The following ZP4 variants were observed in gnomAD, a reference collection of about 807,000 sequenced individuals.
ZP4 encodes zona pellucida sperm-binding protein 4.
In ZP4, 62 loss-of-function variants were observed where a neutral mutation model predicts 62.3. The ratio of observed to expected loss-of-function variants is 0.99; its 90% CI spans 0.81 to 1.23. The LOEUF is 1.23. Among genes scored for constraint, ZP4 ranks in the 50% most tolerant of loss-of-function variants. The pLI is 0.00. For missense variants in ZP4, 774 were observed against 656.0 expected (o/e 1.18, Z -1.97); for synonymous variants, 289 against 247.3 (o/e 1.17, Z -1.58).
In ZP4 at chr1:237,883,754, AGAGAGAGGG is replaced by A. The variant is rs1558530247; in HGVS notation, c.1391-917_1391-909del. On this transcript the variant is annotated intron_variant, in intron 10 of 11. Coordinates refer to ENST00000366570, the MANE Select transcript of ZP4 (RefSeq NM_021186.5). ...GAGGGAGAGAGAGGGAGAGAGAGGGAGAGAGAGGGAGAGAGAGGAAGAGAGAGGAAGAGA... is the reference window on the plus strand; with the variant it reads ...GAGGGAGAGAGAGGGAGAGAGAGGGAAGAGAGAGGAAGAGAGAGGAAGAGA... 6.5e-4 allele frequency among the ~76,000 whole-genome samples: 78 copies of A among 120,698 alleles called. 4 individuals are homozygous for A. Among genetic ancestry groups the A allele is most frequent in the African/African-American group, 1.1e-3 (35 of 31,124 alleles). The allele number at this position is 120,698 out of a possible 152,430, so 79.2% of individuals were successfully genotyped here. A position where few individuals can be genotyped will look rare whatever the true frequency, so the allele number is the denominator to read the frequency against.
intron 3 of ZP4, among the ~76,000 whole-genome samples, chr1:237,889,411 C>T (rs1665184933): frequency 6.6e-6 from 1 of 151,682 alleles, no homozygotes; most frequent in South Asian, 2.1e-4. Flanking sequence ...CTCAGCCTCC[C>T]AGGTTCAAGC....
Position 237,889,906 on chromosome 1 carries a change from T to C in ZP4, c.361A>G (p.Thr121Ala). ...GGACACTTGAGCAGCTTCCTCTCTG[T>C]AACCACCTTGTGTTCAGCCGCGCCT... ...GAGAAEHKVVTERKLLKCPMD... is the reference protein window; with the variant it reads ...GAGAAEHKVVAERKLLKCPMD... The change falls in exon 3 of 12, where the codon ACA becomes GCA. Residue 121 changes from threonine to alanine, a missense_variant. Thr to Ala is a moderately conservative substitution (Grantham distance 58). Transcript: ENST00000366570. The C allele has an allele frequency of 6.2e-7, 1 of 1,614,022 alleles. No individual in the cohort carries two copies. Among genetic ancestry groups the C allele is most frequent in the Non-Finnish European group, 8.5e-7 (1 of 1,180,018 alleles).
intron 4 of ZP4, 70 bp from the exon 5 acceptor site, chr1:237,887,631 A>G (rs1665137476): frequency 2.0e-6 from 3 of 1,500,068 alleles, no homozygotes; most frequent in Non-Finnish European, 2.7e-6. Context: ...TGAAAGTCTA[A>G]CCACTTAGTT....
chr1:237,889,926 G>A lies in ZP4; in HGVS notation c.341C>T (p.Ala114Val), dbSNP rs34370253. 5.4e-3 allele frequency: 8,781 copies of A among 1,612,782 alleles called. 347 individuals are homozygous for A. The African/African-American group carries it at 0.093, about 17-fold the overall frequency. The stretch of plus-strand genomic sequence containing the variant: ...CTCTGTAACCACCTTGTGTTCAGCC[G>A]CGCCTGCTCCTTCAACTCCAACTGG... Reference protein sequence around the residue: ...IMPVGVEGAGAAEHKVVTERK... With the variant: ...IMPVGVEGAGVAEHKVVTERK... The change falls in exon 3 of 12, where the codon GCG becomes GTG. Residue 114 changes from alanine (A) to valine (V), a missense_variant. Ala to Val is a moderately conservative substitution (Grantham distance 64, BLOSUM62 0). Coordinates refer to ENST00000366570, the MANE Select transcript of ZP4 (RefSeq NM_021186.5).
In ZP4 at chr1:237,887,384, G is replaced by T; in HGVS notation, c.731C>A (p.Thr244Asn). The T allele has an allele frequency of 1.2e-6, 2 of 1,613,858 alleles. No homozygotes were observed. Among genetic ancestry groups the T allele is most frequent in the Non-Finnish European group, 1.7e-6 (2 of 1,179,944 alleles). ...AGCCCAACTGCTCACCTGTCTTGTG[G>T]TGCCACAGGAAGTAAATGGAAACTG... is the stretch of plus-strand genomic sequence containing the variant. ...LFQFPFTSCG[T>N]TRQITGDRAV... Residue 244 changes from threonine to asparagine, a missense_variant, in exon 5 of 12, where the codon ACC becomes AAC. By Grantham distance (65) the Thr-to-Asn change is moderately conservative. Coordinates refer to ENST00000366570, the MANE Select transcript of ZP4 (RefSeq NM_021186.5).
chr1:237,890,008 G>C (rs767699438), intron 2 of ZP4, 39 bp from the exon 3 acceptor site: 1 of 1,614,152 alleles, frequency 6.2e-7, no homozygotes, highest in Non-Finnish European at 8.5e-7. Flanking sequence ...CTGGATGGTA[G>C]CATGAGGCGC....
chr1:237,884,023 CACACACACAAACACACACAA>C lies in ZP4; in HGVS notation c.1390+726_1390+745del, dbSNP rs1558531128. ...ACACACACACACACACACAAACACACACACACACAAACACACACAAACACACACAAACACACACAAACACA... is the reference window on the plus strand; with the variant it reads ...ACACACACACACACACACAAACACACACACACACAAACACACACAAACACA... On this transcript the variant is annotated intron_variant, in intron 10 of 11. Coordinates refer to ENST00000366570, the MANE Select transcript of ZP4 (RefSeq NM_021186.5). 4.4e-3 allele frequency among the ~76,000 whole-genome samples: 284 copies of C among 65,062 alleles called. 4 individuals carry two copies. The highest frequency in any genetic ancestry group is 0.013 in the African/African-American group (241 of 18,224). The allele number at this position is 65,062 out of a possible 152,430, so 42.7% of individuals were successfully genotyped here. A position where few individuals can be genotyped will look rare whatever the true frequency, so the allele number is the denominator to read the frequency against.
At chr1:237,883,893 G>A (rs1277416435) in intron 10 of ZP4, among the ~76,000 whole-genome samples, 1 of 150,812 alleles carries the variant, frequency 6.6e-6, no homozygotes, top group Non-Finnish European at 1.5e-5. Flanking sequence ...TCAGGAGGTC[G>A]AGGCTACCAT....
rs760401172 is a variant in ZP4 at position 237,884,768 on chromosome 1, C to A, written c.1390+1G>T. 3 of 1,613,156 alleles carry A rather than the reference C, an allele frequency of 1.9e-6. No homozygotes were observed. Among genetic ancestry groups the A allele is most frequent in the Non-Finnish European group, 1.7e-6 (2 of 1,179,576 alleles). ...TGTCCTCTAACAGCTTGGTTACTCA[C>A]GACTGAGATCAGGACAGGTCACCAC... On this transcript the variant is annotated splice_donor_variant, in intron 10 of 11. Transcript: ENST00000366570. LOFTEE classifies it high-confidence loss of function.
In ZP4 at chr1:237,888,415, CT is replaced by C; in HGVS notation, c.495del (p.Leu167Ter). The C allele has an allele frequency of 6.2e-7, 1 of 1,611,352 alleles. No individual in the cohort carries two copies. Among genetic ancestry groups the C allele is most frequent in the Non-Finnish European group, 8.5e-7 (1 of 1,178,182 alleles). On this transcript the variant is annotated frameshift_variant, in exon 4 of 12. Coordinates refer to ENST00000366570, the MANE Select transcript of ZP4 (RefSeq NM_021186.5). LOFTEE classifies it high-confidence loss of function. ...APSPISRGDCEGLGCCYSSEE... is the reference protein window; with the variant it reads ...APSPISRGDCXGLGCCYSSEE... Reference sequence around the variant, plus strand: ...TCAGAGCTATAACAACAGCCTAGCCCTTCACAGTCTCCTCGAGAGATGGGTG... The same window carrying C: ...TCAGAGCTATAACAACAGCCTAGCCCTCACAGTCTCCTCGAGAGATGGGTG...
In ZP4 at chr1:237,890,133, A is replaced by G. The variant is rs780781257; in HGVS notation, c.219T>C (p.Cys73=). ...CTGGACCTTTTCTTATCCAGGTGCC[A>G]CAGTCGGAGTCATTCTGCAGCTCGT... is the stretch of plus-strand genomic sequence containing the variant. The part of the protein sequence containing the change: ...LLHELQNDSD[C]GTWIRKGPGS... The change falls in exon 2 of 12, where the codon TGT becomes TGC. Residue 73 remains cysteine (C), a synonymous_variant. Coordinates refer to ENST00000366570, the MANE Select transcript of ZP4 (RefSeq NM_021186.5). 8 of 1,614,132 alleles carry G rather than the reference A, an allele frequency of 5.0e-6. No individual in the cohort carries two copies. In the Admixed American group the frequency reaches 1.3e-4, roughly 27 times the overall value.
In ZP4 at chr1:237,889,935, C is replaced by G. The variant is rs140287354; in HGVS notation, c.332G>C (p.Gly111Ala). Residue 111 changes from glycine (G) to alanine (A), a missense_variant, in exon 3 of 12, where the codon GGA (glycine) becomes GCA (alanine). Gly to Ala is a moderately conservative substitution (Grantham distance 60). Transcript: ENST00000366570. Reference sequence around the variant, plus strand: ...CACCTTGTGTTCAGCCGCGCCTGCTCCTTCAACTCCAACTGGCATGATGTA... The same window carrying G: ...CACCTTGTGTTCAGCCGCGCCTGCTGCTTCAACTCCAACTGGCATGATGTA... Reference protein sequence around the residue: ...SHYIMPVGVEGAGAAEHKVVT... With the variant: ...SHYIMPVGVEAAGAAEHKVVT... 32 of 1,614,054 alleles carry G rather than the reference C, an allele frequency of 2.0e-5. No homozygotes were observed. In the African/African-American group the frequency reaches 3.9e-4, roughly 20 times the overall value.
chr1:237,884,306 C>CA (rs1571931513), intron 10 of ZP4, among the ~76,000 whole-genome samples: 1 of 152,132 alleles, frequency 6.6e-6, no homozygotes, highest in African/African-American at 2.4e-5. Flanking sequence ...AGAGGCTAGG[C>CA]AAGTACAGGT....
intron 6 of ZP4, 132 bp from the exon 7 acceptor site, chr1:237,886,018 T>G (rs920670658): frequency 4.7e-5 from 58 of 1,234,834 alleles, no homozygotes; most frequent in Non-Finnish European, 6.1e-5. Context: ...GTTCCTGCCC[T>G]GCTGGGAGCT....
chr1:237,883,713 G>A (rs1403467844), intron 10 of ZP4, among the ~76,000 whole-genome samples: 555 of 44,046 alleles, frequency 0.013, 162 homozygotes, highest in African/African-American at 0.079. Context: ...GCGGGGGAGG[G>A]CGGGGGAGGG....
intron 10 of ZP4, among the ~76,000 whole-genome samples, chr1:237,883,643 C>G (rs1226384376): frequency 3.0e-4 from 2 of 6,722 alleles, no homozygotes; most frequent in African/African-American, 5.6e-4. Flanking sequence ...AGGGGGAGGG[C>G]GGGGGAGGGC....
intron 6 of ZP4, 119 bp from the exon 7 acceptor site, chr1:237,886,005 G>T (rs182449983): frequency 2.2e-6 from 3 of 1,386,292 alleles, no homozygotes; most frequent in East Asian, 2.3e-5. Context: ...TGTGATGGAT[G>T]TGGTTCCTGC....
chr1:237,885,168 T>TC lies in ZP4; in HGVS notation c.1307dup (p.Pro437ThrfsTer15), dbSNP rs757169352. ...GTCATGGAAGGGAACATCCTACCGG[T>TC]CCCCTGAGGGCCTGTTTCTCCACTG... is the stretch of plus-strand genomic sequence containing the variant. On this transcript the variant is annotated frameshift_variant, in exon 9 of 12. Coordinates refer to ENST00000366570, the MANE Select transcript of ZP4 (RefSeq NM_021186.5). LOFTEE classifies it high-confidence loss of function. 3 of 1,613,190 alleles carry TC rather than the reference T, an allele frequency of 1.9e-6. No individual in the cohort carries two copies. The highest frequency in any genetic ancestry group is 2.2e-5 in the East Asian group (1 of 44,846).
Position 237,886,832 on chromosome 1 carries a change from C to T in ZP4, c.778G>A (p.Val260Met), listed in dbSNP as rs1478727003. 5 of 1,614,070 alleles carry T rather than the reference C, an allele frequency of 3.1e-6. No homozygotes were observed. The Admixed American group carries it at 8.3e-5, about 27-fold the overall frequency. The part of the protein sequence containing the change: ...GDRAVYENEL[V>M]ATRDVKNGSR... ...CCATTTTTCACATCCCTAGTTGCCA[C>T]CAGTTCATTTTCATATACTGCTCGG... The change falls in exon 6 of 12, where the codon GTG becomes ATG. Residue 260 changes from valine (V) to methionine (M), a missense_variant. Transcript: ENST00000366570.
Sources: gnomAD v4.1 joint callset for allele counts (sites outside exome capture counted in the v4.1 genomes callset) on GRCh38, gnomAD v4.1.1 for gene constraint, MANE v1.5 for transcripts, NCBI Gene and HGNC (gene_info 2026-07-23, HGNC 2026-07-21) for gene names.